MMP2: variants seen among roughly 807,000 people sequenced by gnomAD.
MMP2 encodes matrix metallopeptidase 2.
A neutral mutation model predicts 74.8 loss-of-function variants in MMP2; 39 were observed. That is an observed-to-expected ratio of 0.52 (90% confidence interval 0.40 to 0.68). The LOEUF (loss-of-function observed/expected upper bound fraction) is 0.68. MMP2 is among the 30% of genes least tolerant of loss of function. The pLI, the probability that MMP2 is intolerant of heterozygous loss-of-function variation, is 0.00. For synonymous variants in MMP2, 367 were observed against 339.8 expected (o/e 1.08, Z -0.88); for missense variants, 803 against 878.3 (o/e 0.91, Z 1.08).
Position 55,489,697 on chromosome 16 carries a change from C to T in MMP2, c.1053C>T (p.Phe351=), listed in dbSNP as rs1355245969. The T allele has an allele frequency of 1.9e-6, 3 of 1,614,158 alleles. No individual in the cohort carries two copies. Among genetic ancestry groups the T allele is most frequent in the Non-Finnish European group, 2.5e-6 (3 of 1,180,032 alleles). The change falls in exon 7 of 13, where the codon TTC becomes TTT. Residue 351 remains phenylalanine, a synonymous_variant. Coordinates refer to ENST00000219070, the MANE Select transcript of MMP2 (RefSeq NM_004530.6). ...GGNSEGAPCV[F]PFTFLGNKYE... is the part of the protein sequence containing the mutation. Reference sequence around the variant, plus strand: ...ACTCAGAAGGTGCCCCCTGTGTCTTCCCCTTCACTTTCCTGGGCAACAAAT... The same window carrying T: ...ACTCAGAAGGTGCCCCCTGTGTCTTTCCCTTCACTTTCCTGGGCAACAAAT...
chr16:55,486,346 C>CGTG (rs1555491716), intron 5 of MMP2, among the ~76,000 whole-genome samples: 57 of 43,786 alleles, frequency 1.3e-3, no homozygotes, highest in African/African-American at 3.5e-3. Flanking sequence ...TGTGTGTGTG[C>CGTG]CTGTGTGTGT....
intron 5 of MMP2, 33 bp from the exon 6 acceptor site, chr16:55,488,510 A>C (rs1210182613): frequency 6.2e-6 from 10 of 1,604,412 alleles, no homozygotes; most frequent in African/African-American, 1.3e-5. Context: ...AGCATGTCTC[A>C]TTCACATCCT....
chr16:55,496,482 T>A (rs1239319059), intron 9 of MMP2, among the ~76,000 whole-genome samples: 1 of 152,244 alleles, frequency 6.6e-6, no homozygotes. Flanking sequence ...CAATAAATGA[T>A]AACTCTTACT....
rs1216210441 is a variant in MMP2 at position 55,506,672 on chromosome 16, G to T, written c.*1230G>T. ...TAAATAAAAAAGGCCATTATTAGTTGAATCTTATTGATGAAGAGACTGATG... is the reference window on the plus strand; with the variant it reads ...TAAATAAAAAAGGCCATTATTAGTTTAATCTTATTGATGAAGAGACTGATG... On this transcript the variant is annotated 3_prime_UTR_variant, in exon 13 of 13. Transcript: ENST00000219070. 1 of 152,146 alleles carries T rather than the reference G, an allele frequency of 6.6e-6. No homozygotes were observed. The allele number at this position is 152,146 out of a possible 1,614,324, so 9.4% of individuals were successfully genotyped here. A position where few individuals can be genotyped will look rare whatever the true frequency, so the allele number is the denominator to read the frequency against.
chr16:55,502,739 A>G, intron 11 of MMP2, 40 bp from the exon 12 acceptor site: 1 of 1,568,468 alleles, frequency 6.4e-7, no homozygotes, highest in Non-Finnish European at 8.8e-7. Flanking sequence ...AGTGTCCTTT[A>G]GAGAGGCCCT....
At position 55,484,151 on chromosome 16, in the gene MMP2, C is replaced by G; in HGVS notation, c.516C>G (p.Asn172Lys). Residue 172 changes from asparagine (N) to lysine (K), a missense_variant, in exon 3 of 13, where the codon AAC (asparagine) becomes AAG (lysine). Around this residue, in one of 3 missense-constraint regions of MMP2, gnomAD observed 223 missense variants for 232.8 expected, o/e 0.96. Coordinates refer to ENST00000219070, the MANE Select transcript of MMP2 (RefSeq NM_004530.6). Reference protein sequence around the residue: ...IHDGEADIMINFGRWEHGDGY... With the variant: ...IHDGEADIMIKFGRWEHGDGY... Reference sequence around the variant, plus strand: ...ATGGAGAGGCAGACATCATGATCAACTTTGGCCGCTGGGGTAGGCAGAAGA... The same window carrying G: ...ATGGAGAGGCAGACATCATGATCAAGTTTGGCCGCTGGGGTAGGCAGAAGA... The G allele has an allele frequency of 6.2e-7, 1 of 1,614,096 alleles. No homozygotes were observed. The highest frequency in any genetic ancestry group is 8.5e-7 in the Non-Finnish European group (1 of 1,180,016).
rs933266798 is a variant in MMP2 at position 55,497,011 on chromosome 16, A to G, written c.1558A>G (p.Ile520Val). The G allele has an allele frequency of 6.2e-7, 1 of 1,614,124 alleles. No individual in the cohort carries two copies. Among genetic ancestry groups the G allele is most frequent in the Non-Finnish European group, 8.5e-7 (1 of 1,180,040 alleles). Residue 520 changes from isoleucine (I) to valine (V), a missense_variant, in exon 10 of 13, where the codon ATT becomes GTT. Ile to Val is a conservative substitution (Grantham distance 29). Coordinates refer to ENST00000219070, the MANE Select transcript of MMP2 (RefSeq NM_004530.6). ...ATTCTGGCCTGAGCTCCCGGAAAAG[A>G]TTGATGCGGTATACGAGGCCCCACA... Reference protein sequence around the residue: ...ATFWPELPEKIDAVYEAPQEE... With the variant: ...ATFWPELPEKVDAVYEAPQEE...
chr16:55,490,193 T>A (rs570907105), intron 7 of MMP2, among the ~76,000 whole-genome samples: 1 of 152,286 alleles, frequency 6.6e-6, no homozygotes, highest in East Asian at 1.9e-4. Context: ...GAGCACAGAT[T>A]ACCAGAGAGA....
chr16:55,495,115 G>A (rs994125857), intron 9 of MMP2, among the ~76,000 whole-genome samples: 2 of 152,236 alleles, frequency 1.3e-5, no homozygotes, highest in Admixed American at 6.5e-5. Flanking sequence ...TGCAATGAGA[G>A]ATGAGACTTA....
Position 55,505,466 on chromosome 16 carries a change from C to G in MMP2, c.*24C>G. On this transcript the variant is annotated 3_prime_UTR_variant, in exon 13 of 13. Transcript: ENST00000219070. ...GAGCTGGCCCTGGCTCCCACAGGCC[C>G]TTCCTCTCCACTGCCTTCGATACAC... 1 of 1,598,952 alleles carries G rather than the reference C, an allele frequency of 6.3e-7. No homozygotes were observed. The highest frequency in any genetic ancestry group is 8.6e-7 in the Non-Finnish European group (1 of 1,166,308).
chr16:55,502,629 C>T, intron 11 of MMP2, 150 bp from the exon 12 acceptor site: 1 of 700,300 alleles, frequency 1.4e-6, no homozygotes, highest in Middle Eastern at 3.7e-4. Context: ...CCATGCCCTT[C>T]CTTCCACTGC....
intron 10 of MMP2, 100 bp from the exon 11 acceptor site, chr16:55,498,189 A>C: frequency 6.8e-7 from 1 of 1,475,482 alleles, no homozygotes; most frequent in Non-Finnish European, 9.4e-7. Flanking sequence ...CTCTGTTGGG[A>C]ATGGCTGCAG....
In MMP2 at chr16:55,479,616, A is replaced by G. The variant is rs1459124849; in HGVS notation, c.137A>G (p.Asp46Gly). The G allele has an allele frequency of 6.2e-7, 1 of 1,613,812 alleles. No homozygotes were observed. Among genetic ancestry groups the G allele is most frequent in the East Asian group, 2.2e-5 (1 of 44,864 alleles). Residue 46 changes from aspartate (D) to glycine (G), a missense_variant, in exon 1 of 13, where the codon GAC (aspartate) becomes GGC (glycine). Physicochemically the swap from Asp to Gly is moderately conservative, Grantham distance 94 (BLOSUM62 -1). This residue lies in a region of MMP2 where 223 missense variants were observed against 232.8 expected (regional missense o/e 0.96). Transcript: ENST00000219070. Reference protein sequence around the residue: ...KFPGDVAPKTDKELAVQYLNT... With the variant: ...KFPGDVAPKTGKELAVQYLNT... ...CCCGGCGATGTCGCCCCCAAAACGG[A>G]CAAAGAGTTGGCAGTGGTGAGTTGC...
Position 55,491,286 on chromosome 16 carries a change from C to T in MMP2, c.1181-515C>T, listed in dbSNP as rs550510209. ...AACAGGGTGTGACACAGGTTTTGCT[C>T]GCTGGCTGTGGCTCAGCCTGTGCAA... On this transcript the variant is annotated intron_variant, in intron 7 of 12. Coordinates refer to ENST00000219070, the MANE Select transcript of MMP2 (RefSeq NM_004530.6). Among the ~76,000 whole-genome samples, 54 of 152,190 alleles carry T rather than the reference C, an allele frequency of 3.5e-4. No homozygotes were observed. In the South Asian group the frequency reaches 7.5e-3, roughly 21 times the overall value.
In MMP2 at chr16:55,505,866, A is replaced by T; in HGVS notation, c.*424A>T. 1 of 248,534 alleles carries T rather than the reference A, an allele frequency of 4.0e-6. No homozygotes were observed. The highest frequency in any genetic ancestry group is 8.0e-6 in the Non-Finnish European group (1 of 125,086). 15.4% of individuals were successfully genotyped at this position (248,534 alleles called of 1,614,324 possible). On this transcript the variant is annotated 3_prime_UTR_variant, in exon 13 of 13. Transcript: ENST00000219070. ...CGACAGCCTGGCACAGGGCAGTGGGACAGGGCATGGCCAGGTGGCCACTCC... is the reference window on the plus strand; with the variant it reads ...CGACAGCCTGGCACAGGGCAGTGGGTCAGGGCATGGCCAGGTGGCCACTCC...
At chr16:55,493,314 C>T (rs1369718423) in intron 9 of MMP2, 21 bp downstream of exon 9, 7 of 1,613,912 alleles carry the variant, frequency 4.3e-6, no homozygotes, top group Non-Finnish European at 5.9e-6. Context: ...GAGCTTGCTT[C>T]TTGTCCTCCT....
At chr16:55,499,168 C>A (rs1227260550) in intron 11 of MMP2, among the ~76,000 whole-genome samples, 387 of 131,838 alleles carry the variant, frequency 2.9e-3, no homozygotes, top group Middle Eastern at 0.012. Context: ...GACTCCAACT[C>A]AAAAAAAAAA....
chr16:55,486,346 C>CGTGTGTGTGTGT (rs1555491716), intron 5 of MMP2, among the ~76,000 whole-genome samples: 2 of 43,726 alleles, frequency 4.6e-5, no homozygotes, highest in African/African-American at 6.6e-5. Flanking sequence ...TGTGTGTGTG[C>CGTGTGTGTGTGT]CTGTGTGTGT....
At chr16:55,496,878 C>T (rs1169213077) in intron 9 of MMP2, 48 bp from the exon 10 acceptor site, 4 of 1,610,318 alleles carry the variant, frequency 2.5e-6, no homozygotes, top group Non-Finnish European at 3.4e-6. Context: ...GTTCGAGCTG[C>T]AGGGTGACTG....
Sources: gnomAD v4.1 joint callset for allele counts (sites outside exome capture counted in the v4.1 genomes callset) on GRCh38, gnomAD v4.1.1 for gene constraint, gnomAD v4.1.1 regional missense constraint, MANE v1.5 for transcripts, NCBI Gene and HGNC (gene_info 2026-07-23, HGNC 2026-07-21) for gene names.